RGL1: variants seen among roughly 807,000 people sequenced by gnomAD.
The protein encoded by RGL1 is ral guanine nucleotide dissociation stimulator like 1, also known as ral guanine nucleotide dissociation stimulator-like 1.
A neutral mutation model predicts 95.2 loss-of-function variants in RGL1; 24 were observed. That is an observed-to-expected ratio of 0.25 (90% CI 0.18 to 0.35). RGL1 has a LOEUF of 0.35. RGL1 is among the 10% of genes least tolerant of loss of function. RGL1 has a pLI of 1.00. For missense variants in RGL1, 715 were observed against 936.3 expected (o/e 0.76, Z 3.08); for synonymous variants, 329 against 344.9 (o/e 0.95, Z 0.51).
intron 2 of RGL1, among the ~76,000 whole-genome samples, chr1:183,792,528 G>A (rs191045349): frequency 6.6e-6 from 1 of 152,076 alleles, no homozygotes; most frequent in African/African-American, 2.4e-5. Flanking sequence ...GAGGAAGTCA[G>A]ATTCTCCCTC....
rs1171195859 is a variant in RGL1 at position 183,926,231 on chromosome 1, C to T, written c.2246C>T (p.Thr749Met). ...AAACTGCGTAGCCGGACCAGCTTGA[C>T]GTTGCCCAGGACAGCTAAACGGGGC... ...QVKLRSRTSLTLPRTAKRGCW... is the reference protein window; with the variant it reads ...QVKLRSRTSLMLPRTAKRGCW... The change falls in exon 18 of 18, where the codon ACG becomes ATG. Residue 749 changes from threonine (T) to methionine (M), a missense_variant. Physicochemically the swap from Thr to Met is moderately conservative, Grantham distance 81. Coordinates refer to ENST00000360851, the MANE Select transcript of RGL1 (RefSeq NM_001297671.3). 10 of 1,613,862 alleles carry T rather than the reference C, an allele frequency of 6.2e-6. No individual in the cohort carries two copies. The highest frequency in any genetic ancestry group is 2.2e-5 in the South Asian group (2 of 91,028).
intron 1 of RGL1, among the ~76,000 whole-genome samples, chr1:183,694,548 A>G (rs1479222175): frequency 6.6e-6 from 1 of 152,222 alleles, no homozygotes; most frequent in Non-Finnish European, 1.5e-5. Context: ...TTTCAACATA[A>G]AGCATTTGTC....
intron 1 of RGL1, among the ~76,000 whole-genome samples, chr1:183,659,244 C>T (rs574771099): frequency 0.016 from 2,449 of 151,950 alleles, 82 homozygotes; most frequent in African/African-American, 0.056. Context: ...AGGCTTCAGA[C>T]GATCAAACTA....
intron 1 of RGL1, among the ~76,000 whole-genome samples, chr1:183,729,624 G>T (rs1352599406): frequency 6.6e-6 from 1 of 152,150 alleles, no homozygotes; most frequent in South Asian, 2.1e-4. Flanking sequence ...CTACTCTTAG[G>T]TGTTTATCCA....
At chr1:183,769,019 A>C (rs10797909) in intron 2 of RGL1, among the ~76,000 whole-genome samples, 27,232 of 152,174 alleles carry the variant, frequency 0.18, 3,350 homozygotes, top group African/African-American at 0.35. Context: ...AATGAACATC[A>C]AAAATGATTT....
At chr1:183,840,709 A>G (rs1450511527) in intron 2 of RGL1, among the ~76,000 whole-genome samples, 2 of 62,902 alleles carry the variant, frequency 3.2e-5, no homozygotes, top group African/African-American at 7.3e-5. Flanking sequence ...AAAAATAAAT[A>G]AATAAATAAA....
chr1:183,719,361 A>G (rs1655848231), intron 1 of RGL1, among the ~76,000 whole-genome samples: 1 of 152,198 alleles, frequency 6.6e-6, no homozygotes, highest in Non-Finnish European at 1.5e-5. Context: ...CATTCCAAGG[A>G]AATTACAGAT....
At chr1:183,796,012 T>A (rs1306180419) in intron 2 of RGL1, among the ~76,000 whole-genome samples, 1 of 152,074 alleles carries the variant, frequency 6.6e-6, no homozygotes, top group African/African-American at 2.4e-5. Flanking sequence ...ATGATGATGA[T>A]AGACAACATT....
In RGL1 at chr1:183,922,398, A is replaced by G. The variant is rs148250130; in HGVS notation, c.2119+62A>G. The G allele has an allele frequency of 3.7e-5, 44 of 1,205,414 alleles. No homozygotes were observed. The African/African-American group carries it at 4.7e-4, about 13-fold the overall frequency. 74.7% of individuals were successfully genotyped at this position (1,205,414 alleles called of 1,614,324 possible). On this transcript the variant is annotated intron_variant, in intron 17 of 17. Transcript: ENST00000360851. ...GGGCAGGTGGCTAGCACATGTCCAC[A>G]GTGCTCCGCGTTTAGAAGGCAGAAA...
At chr1:183,907,418 T>G (rs1330604347) in intron 14 of RGL1, among the ~76,000 whole-genome samples, 2 of 152,180 alleles carry the variant, frequency 1.3e-5, no homozygotes, top group African/African-American at 2.4e-5. Flanking sequence ...GTACACCAGA[T>G]TATGTTGCTT....
intron 3 of RGL1, among the ~76,000 whole-genome samples, chr1:183,851,131 T>G (rs959447618): frequency 6.6e-6 from 1 of 152,228 alleles, no homozygotes; most frequent in African/African-American, 2.4e-5. Context: ...TGAATCAAAC[T>G]GCATTTAATT....
intron 2 of RGL1, among the ~76,000 whole-genome samples, chr1:183,834,937 C>A (rs1357219753): frequency 2.6e-5 from 4 of 152,198 alleles, no homozygotes; most frequent in Admixed American, 2.6e-4. Context: ...CCCACTTCAG[C>A]CTCCCAAAGC....
intron 1 of RGL1, among the ~76,000 whole-genome samples, chr1:183,682,241 GTTC>G (rs1653269032): frequency 6.6e-6 from 1 of 152,090 alleles, no homozygotes; most frequent in South Asian, 2.1e-4. Context: ...TGCTTCTCTA[GTTC>G]TTTTAATTGT....
chr1:183,865,795 A>G (rs1465470450), intron 3 of RGL1, among the ~76,000 whole-genome samples: 1 of 152,236 alleles, frequency 6.6e-6, no homozygotes, highest in African/African-American at 2.4e-5. Context: ...TTGTTAAATG[A>G]CTTTTCTGTT....
At chr1:183,657,973 G>A (rs931805523) in intron 1 of RGL1, among the ~76,000 whole-genome samples, 2 of 152,194 alleles carry the variant, frequency 1.3e-5, no homozygotes, top group South Asian at 2.1e-4. Flanking sequence ...ACTTTTTAAT[G>A]ATTGCCATTC....
chr1:183,697,045 T>A (rs1029930493), intron 1 of RGL1, among the ~76,000 whole-genome samples: 24 of 152,182 alleles, frequency 1.6e-4, no homozygotes, highest in Admixed American at 2.6e-4. Context: ...TAGCTCCCAA[T>A]TACAATATGT....
At chr1:183,696,479 T>C (rs1368207406) in intron 1 of RGL1, among the ~76,000 whole-genome samples, 1 of 152,158 alleles carries the variant, frequency 6.6e-6, no homozygotes, top group African/African-American at 2.4e-5. Flanking sequence ...TTTGTCTTAA[T>C]GTTTCTTCAC....
At chr1:183,848,994 T>A (rs1183236856) in intron 3 of RGL1, among the ~76,000 whole-genome samples, 1 of 152,190 alleles carries the variant, frequency 6.6e-6, no homozygotes, top group East Asian at 1.9e-4. Flanking sequence ...ATATGATATG[T>A]TTATATATTT....
intron 3 of RGL1, among the ~76,000 whole-genome samples, chr1:183,852,249 A>G (rs953030166): frequency 6.6e-6 from 1 of 151,958 alleles, no homozygotes; most frequent in African/African-American, 2.4e-5. Flanking sequence ...TTATCTTTTG[A>G]CAGTTTTTTA....
Sources: gnomAD v4.1 joint callset for allele counts (sites outside exome capture counted in the v4.1 genomes callset) on GRCh38, gnomAD v4.1.1 for gene constraint, MANE v1.5 for transcripts, NCBI Gene and HGNC (gene_info 2026-07-23, HGNC 2026-07-21) for gene names.